DGKE: variants seen among roughly 807,000 people sequenced by gnomAD.
DGKE encodes diacylglycerol kinase epsilon.
In DGKE, 53 loss-of-function variants were observed where a neutral mutation model predicts 70.0. That is an observed-to-expected ratio of 0.76 (90% CI 0.61 to 0.95). The LOEUF (loss-of-function observed/expected upper bound fraction) is 0.95. DGKE is among the 40% of genes least tolerant of loss of function. The probability of loss-of-function intolerance (pLI) is 0.00; values close to 1 mark genes in which losing one functional copy is unlikely to be tolerated. For synonymous variants in DGKE, 291 were observed against 257.0 expected (o/e 1.13, Z -1.27); for missense variants, 655 against 706.9 (o/e 0.93, Z 0.83).
chr17:56,854,433 T>G lies in DGKE; in HGVS notation c.1099-2079T>G, dbSNP rs113576881. ...AAGTGATCTTCACACCTTAGCCTCA[T>G]TAGTAACTGGGACTACAGGCACATG... On this transcript the variant is annotated intron_variant, in intron 7 of 11. Coordinates refer to ENST00000284061, the MANE Select transcript of DGKE (RefSeq NM_003647.3). Among the ~76,000 whole-genome samples the G allele has an allele frequency of 1.8e-3, 267 of 152,110 alleles. 1 individual carries two copies. Among genetic ancestry groups the G allele is most frequent in the African/African-American group, 6.1e-3 (253 of 41,522 alleles).
rs1567828745 is a variant in DGKE at position 56,867,738 on chromosome 17, C to A, written c.*4947C>A. ...GTGACACCCCGCCTCTACTAAAAAT[C>A]CAAAAATTTAGCCGGGCATGGTGGC... On this transcript the variant is annotated 3_prime_UTR_variant, in exon 12 of 12. Transcript: ENST00000284061. 6.6e-6 allele frequency: 1 copy of A among 151,812 alleles called. No homozygotes were observed. Among genetic ancestry groups the A allele is most frequent in the Non-Finnish European group, 1.5e-5 (1 of 68,028 alleles). The allele number at this position is 151,812 out of a possible 1,614,324, so 9.4% of individuals were successfully genotyped here.
chr17:56,857,296 A>C (rs1400167184), intron 8 of DGKE, among the ~76,000 whole-genome samples: 8 of 152,204 alleles, frequency 5.3e-5, no homozygotes, highest in African/African-American at 1.7e-4. Context: ...TTAATGGAAA[A>C]GTAGATTTCA....
intron 9 of DGKE, among the ~76,000 whole-genome samples, 164 bp from the exon 10 acceptor site, chr17:56,861,627 A>G (rs949941086): frequency 1.3e-5 from 2 of 152,208 alleles, no homozygotes; most frequent in African/African-American, 4.8e-5. Context: ...TACTGAAGAG[A>G]TAGAAAAGGG....
chr17:56,862,627 T>G lies in DGKE; in HGVS notation c.1540T>G (p.Ser514Ala). Residue 514 changes from serine to alanine, a missense_variant, in exon 12 of 12, where the codon TCC becomes GCC. Ser to Ala is a moderately conservative substitution (Grantham distance 99, BLOSUM62 1). Transcript: ENST00000284061. ...CTAATATCAGCTGATTTTGAAGTGC[T>G]CCATGATGCCAATGCAGGTGGATGG... ...AHTVRLILKC[S>A]MMPMQVDGEP... 1 of 1,558,896 alleles carries G rather than the reference T, an allele frequency of 6.4e-7. No individual in the cohort carries two copies. The highest frequency in any genetic ancestry group is 8.6e-7 in the Non-Finnish European group (1 of 1,160,866).
At chr17:56,855,125 T>A (rs935812013) in intron 7 of DGKE, among the ~76,000 whole-genome samples, 5 of 151,694 alleles carry the variant, frequency 3.3e-5, no homozygotes, top group African/African-American at 1.2e-4. Flanking sequence ...AAAAAAAAAA[T>A]TCAGTTAAAA....
chr17:56,836,951 C>G (rs1257378338), intron 2 of DGKE, among the ~76,000 whole-genome samples: 1 of 152,174 alleles, frequency 6.6e-6, no homozygotes, highest in Non-Finnish European at 1.5e-5. Flanking sequence ...TGTCCTTGTC[C>G]TTTCCTTCAG....
Position 56,848,869 on chromosome 17 carries a change from C to A in DGKE, c.1046+16C>A, listed in dbSNP as rs772525610. Reference sequence around the variant, plus strand: ...AACTAGATCGGTAAGTTACGTTTCCCCAAAAAGTAGATTTCTTGAGATTTA... The same window carrying A: ...AACTAGATCGGTAAGTTACGTTTCCACAAAAAGTAGATTTCTTGAGATTTA... On this transcript the variant is annotated intron_variant, in intron 6 of 11. Coordinates refer to ENST00000284061, the MANE Select transcript of DGKE (RefSeq NM_003647.3). 6.2e-7 allele frequency: 1 copy of A among 1,613,478 alleles called. No homozygotes were observed. The highest frequency in any genetic ancestry group is 1.7e-5 in the Admixed American group (1 of 59,890).
chr17:56,844,122 A>C lies in DGKE; in HGVS notation c.568A>C (p.Ser190Arg). 6.3e-7 allele frequency: 1 copy of C among 1,585,910 alleles called. No individual in the cohort carries two copies. ...ATTCAAAAACCTAATCATTCCACCAAGTTATTTAACATCCATTAATCAGAT... is the reference window on the plus strand; with the variant it reads ...ATTCAAAAACCTAATCATTCCACCACGTTATTTAACATCCATTAATCAGAT... Reference protein sequence around the residue: ...GEFKNLIIPPSYLTSINQMRK... With the variant: ...GEFKNLIIPPRYLTSINQMRK... Residue 190 changes from serine to arginine, a missense_variant, in exon 3 of 12, where the codon AGT (serine) becomes CGT (arginine). Transcript: ENST00000284061.
At chr17:56,838,636 A>G (rs1164411905) in intron 2 of DGKE, 2 of 151,892 alleles carry the variant, frequency 1.3e-5, no homozygotes, top group South Asian at 2.1e-4. Flanking sequence ...AAAGAGAGCT[A>G]TTGTGACCAG....
At chr17:56,840,301 G>A (rs1280045215) in intron 2 of DGKE, among the ~76,000 whole-genome samples, 1 of 152,180 alleles carries the variant, frequency 6.6e-6, no homozygotes, top group Non-Finnish European at 1.5e-5. Flanking sequence ...CTTGGGGGAG[G>A]GGAGAAGGTT....
intron 6 of DGKE, 93 bp downstream of exon 6, chr17:56,848,946 A>G (rs1907481263): frequency 6.5e-7 from 1 of 1,547,334 alleles, no homozygotes; most frequent in Non-Finnish European, 8.8e-7. Flanking sequence ...GTGCCATGTA[A>G]TTTAAATGTG....
chr17:56,838,069 A>G (rs999900824), intron 2 of DGKE, among the ~76,000 whole-genome samples: 2 of 152,182 alleles, frequency 1.3e-5, no homozygotes, highest in African/African-American at 4.8e-5. Flanking sequence ...TTATTAAATG[A>G]ACCTTTGTTT....
chr17:56,858,546 A>C (rs542743121), intron 8 of DGKE, 48 bp from the exon 9 acceptor site: 2 of 1,462,986 alleles, frequency 1.4e-6, no homozygotes, highest in Admixed American at 4.3e-5. Flanking sequence ...CTTATTGTTT[A>C]CAGGGTTAGA....
In DGKE at chr17:56,845,702, C is replaced by T; in HGVS notation, c.637C>T (p.Leu213Phe). 2 of 1,609,324 alleles carry T rather than the reference C, an allele frequency of 1.2e-6. No homozygotes were observed. The highest frequency in any genetic ancestry group is 1.7e-6 in the Non-Finnish European group (2 of 1,178,076). ...CAATTTTTTTTAGCTAGCCTCTAAG[C>T]TTGGAAAGCAGTGGACCCCATTAAT... ...KTDYEVLASK[L>F]GKQWTPLIIL... The change falls in exon 4 of 12, where the codon CTT becomes TTT. Residue 213 changes from leucine (L) to phenylalanine (F), a missense_variant. By Grantham distance (22) the Leu-to-Phe change is conservative. Transcript: ENST00000284061.
rs1203583221 is a variant in DGKE at position 56,867,336 on chromosome 17, C to G, written c.*4545C>G. ...GCTGCTGAGGCTGGGCACGGTGGCT[C>G]ACACCTGTAATCCCAGCACTTGGGG... is the stretch of plus-strand genomic sequence containing the variant. On this transcript the variant is annotated 3_prime_UTR_variant, in exon 12 of 12. Coordinates refer to ENST00000284061, the MANE Select transcript of DGKE (RefSeq NM_003647.3). The G allele has an allele frequency of 6.6e-6, 1 of 152,210 alleles. No homozygotes were observed. Among genetic ancestry groups the G allele is most frequent in the East Asian group, 1.9e-4 (1 of 5,200 alleles). 9.4% of individuals were successfully genotyped at this position (152,210 alleles called of 1,614,324 possible).
intron 6 of DGKE, 104 bp downstream of exon 6, chr17:56,848,957 A>T: frequency 6.7e-7 from 1 of 1,499,170 alleles, no homozygotes; most frequent in Non-Finnish European, 9.1e-7. Flanking sequence ...TTTAAATGTG[A>T]AAGACTATAC....
In DGKE at chr17:56,864,789, G is replaced by A. The variant is rs967687797; in HGVS notation, c.*1998G>A. 6 of 151,950 alleles carry A rather than the reference G, an allele frequency of 3.9e-5. No homozygotes were observed. The highest frequency in any genetic ancestry group is 1.3e-4 in the Admixed American group (2 of 15,252). 9.4% of individuals were successfully genotyped at this position (151,950 alleles called of 1,614,324 possible). On this transcript the variant is annotated 3_prime_UTR_variant, in exon 12 of 12. Coordinates refer to ENST00000284061, the MANE Select transcript of DGKE (RefSeq NM_003647.3). ...GCAAATCAATTTAGGATGTTGGAAC[G>A]AAAATAATCACAATAACTAATACAG...
At chr17:56,861,710 T>C (rs927223870) in intron 9 of DGKE, 81 bp from the exon 10 acceptor site, 5 of 1,576,592 alleles carry the variant, frequency 3.2e-6, no homozygotes, top group African/African-American at 1.4e-5. Flanking sequence ...AGCACATTTA[T>C]GAAAATAGAT....
At chr17:56,846,286 A>C (rs553657196) in intron 4 of DGKE, 1 of 152,428 alleles carries the variant, frequency 6.6e-6, no homozygotes, top group Non-Finnish European at 1.5e-5. Context: ...ATGAACCTCA[A>C]AAACATACTA....
Sources: gnomAD v4.1 joint callset for allele counts (sites outside exome capture counted in the v4.1 genomes callset) on GRCh38, gnomAD v4.1.1 for gene constraint, MANE v1.5 for transcripts, NCBI Gene and HGNC (gene_info 2026-07-23, HGNC 2026-07-21) for gene names.